NEO1: variants seen among roughly 807,000 people sequenced by gnomAD.
NEO1 encodes neogenin.
A neutral mutation model predicts 159.7 loss-of-function variants in NEO1; 63 were observed. The ratio of observed to expected loss-of-function variants is 0.39; its 90% CI spans 0.32 to 0.49. The LOEUF (loss-of-function observed/expected upper bound fraction) is 0.49, where lower values mean the gene tolerates loss of function less well. Among genes scored for constraint, NEO1 ranks in the 20% least tolerant of loss-of-function variants. The probability of loss-of-function intolerance (pLI) is 0.85; values close to 1 mark genes in which losing one functional copy is unlikely to be tolerated. For synonymous variants in NEO1, 633 were observed against 662.0 expected, an observed-to-expected ratio of 0.96 and a Z score of 0.67; for missense variants, 1,615 against 1,831.0, an observed-to-expected ratio of 0.88 and a Z score of 2.15.
intron 7 of NEO1, among the ~76,000 whole-genome samples, chr15:73,181,513 T>C (rs2035611012): frequency 6.6e-6 from 1 of 152,112 alleles, no homozygotes; most frequent in South Asian, 2.1e-4. Flanking sequence ...ACAGGAAGCA[T>C]GGTGCTGGCA....
chr15:73,214,127 T>C (rs908472435), intron 7 of NEO1, among the ~76,000 whole-genome samples: 1 of 152,140 alleles, frequency 6.6e-6, no homozygotes. Context: ...TTTCTTACTG[T>C]TTTGTTTAAA....
chr15:73,138,510 A>C (rs1017076462), intron 5 of NEO1, among the ~76,000 whole-genome samples: 14 of 152,222 alleles, frequency 9.2e-5, no homozygotes, highest in Admixed American at 2.6e-4. Flanking sequence ...TAATCCCAGC[A>C]CTTTGGGAGG....
intron 15 of NEO1, among the ~76,000 whole-genome samples, chr15:73,261,014 C>T (rs1320346757): frequency 2.0e-5 from 3 of 152,104 alleles, no homozygotes; most frequent in East Asian, 1.9e-4. Flanking sequence ...TTCCTCTACA[C>T]GTGTTAACAT....
intron 18 of NEO1, among the ~76,000 whole-genome samples, chr15:73,271,202 A>T (rs553690837): frequency 5.9e-4 from 90 of 152,378 alleles, no homozygotes; most frequent in Admixed American, 8.5e-4. Context: ...TTAGAAATAC[A>T]GTACATCAAA....
At chr15:73,187,539 G>A (rs1488619115) in intron 7 of NEO1, among the ~76,000 whole-genome samples, 7 of 152,136 alleles carry the variant, frequency 4.6e-5, no homozygotes, top group Admixed American at 4.6e-4. Context: ...TTTCTGTTAA[G>A]GGCCAAAGAA....
chr15:73,066,065 T>A (rs1017813511), intron 1 of NEO1, among the ~76,000 whole-genome samples: 8 of 149,480 alleles, frequency 5.4e-5, no homozygotes, highest in African/African-American at 1.7e-4. Context: ...GGAGTCTTGC[T>A]CTGTCACCCA....
At chr15:73,105,968 T>C (rs1227634771) in intron 1 of NEO1, among the ~76,000 whole-genome samples, 1 of 152,198 alleles carries the variant, frequency 6.6e-6, no homozygotes, top group Non-Finnish European at 1.5e-5. Context: ...GTGTGACTTC[T>C]TTTTTCCAGT....
rs1270804361 is a variant in NEO1, at chr15:73,052,608, G to A, written c.-68G>A. 2 of 1,030,202 alleles carry A rather than the reference G, an allele frequency of 1.9e-6. No homozygotes were observed. 63.8% of individuals were successfully genotyped at this position (1,030,202 alleles called of 1,614,324 possible). On this transcript the variant is annotated 5_prime_UTR_variant, in exon 1 of 29. Transcript: ENST00000261908. ...TGCAGCGAGGGACCGGCTGAGGCGC[G>A]CGGGAGGGAAGGAGGCAAGGGCTCC...
At chr15:73,066,918 G>T (rs1342363399) in intron 1 of NEO1, among the ~76,000 whole-genome samples, 2 of 152,144 alleles carry the variant, frequency 1.3e-5, no homozygotes, top group African/African-American at 4.8e-5. Flanking sequence ...TTGCATCTTG[G>T]TTCCTCAATT....
chr15:73,272,697 A>G lies in NEO1; in HGVS notation c.2965+135A>G, dbSNP rs546262839. 3.0e-4 allele frequency: 196 copies of G among 657,030 alleles called. 2 individuals carry two copies. The East Asian group carries it at 4.5e-3, about 15-fold the overall frequency. The allele number at this position is 657,030 out of a possible 1,614,324, so 40.7% of individuals were successfully genotyped here. On this transcript the variant is annotated intron_variant, in intron 19 of 28. Transcript: ENST00000261908. ...GTCATTTTATGGTAAGGTGTGAGTC[A>G]TGATGGTCCTTGAAATTGGGGTGAG...
rs535548444 is a variant in NEO1 at position 73,305,149 on chromosome 15, G to C, written c.*2453G>C. ...GTAAACTCTATGGCTTTTTAAAAAC[G>C]ATTTCATGTTTTTATTTAGTATTGG... On this transcript the variant is annotated 3_prime_UTR_variant, in exon 29 of 29. Coordinates refer to ENST00000261908, the MANE Select transcript of NEO1 (RefSeq NM_002499.4). 1.3e-5 allele frequency: 2 copies of C among 151,818 alleles called. No homozygotes were observed. Among genetic ancestry groups the C allele is most frequent in the Admixed American group, 1.3e-4 (2 of 15,264 alleles). The allele number at this position is 151,818 out of a possible 1,614,324, so 9.4% of individuals were successfully genotyped here.
chr15:73,067,214 C>CT (rs1366648762), intron 1 of NEO1, among the ~76,000 whole-genome samples: 1 of 152,092 alleles, frequency 6.6e-6, no homozygotes, highest in African/African-American at 2.4e-5. Context: ...ACACAGTATT[C>CT]TTTTAAGTTT....
intron 7 of NEO1, among the ~76,000 whole-genome samples, chr15:73,217,424 G>T (rs1391570149): frequency 6.7e-6 from 1 of 149,462 alleles, no homozygotes; most frequent in Admixed American, 6.7e-5. Context: ...CTCTTTTTTG[G>T]TTCCATATGA....
At chr15:73,296,039 C>T (rs910245108) in intron 26 of NEO1, among the ~76,000 whole-genome samples, 1 of 152,156 alleles carries the variant, frequency 6.6e-6, no homozygotes, top group African/African-American at 2.4e-5. Flanking sequence ...GCCTGGGGCC[C>T]CCGGAGTTGT....
chr15:73,163,104 C>T (rs2034308844), intron 5 of NEO1, among the ~76,000 whole-genome samples: 2 of 152,006 alleles, frequency 1.3e-5, no homozygotes, highest in Non-Finnish European at 2.9e-5. Context: ...TTGTTAGGTA[C>T]GTATCTATTT....
intron 11 of NEO1, among the ~76,000 whole-genome samples, chr15:73,250,280 A>T (rs978278611): frequency 2.1e-4 from 32 of 151,808 alleles, no homozygotes; most frequent in African/African-American, 7.3e-4. Context: ...ACCAGCATTT[A>T]AAAAAAATAT....
intron 7 of NEO1, among the ~76,000 whole-genome samples, chr15:73,195,220 ATC>A (rs1465987723): frequency 6.6e-6 from 1 of 152,240 alleles, no homozygotes; most frequent in Non-Finnish European, 1.5e-5. Flanking sequence ...TAAAGAAAGA[ATC>A]TATTATGCAG....
intron 7 of NEO1, among the ~76,000 whole-genome samples, chr15:73,195,474 T>C (rs1247044065): frequency 6.6e-6 from 1 of 152,180 alleles, no homozygotes; most frequent in South Asian, 2.1e-4. Context: ...AATTGATGCA[T>C]GCTTAAGAGA....
intron 1 of NEO1, among the ~76,000 whole-genome samples, chr15:73,077,798 G>T (rs1048981924): frequency 6.6e-6 from 1 of 152,130 alleles, no homozygotes; most frequent in Non-Finnish European, 1.5e-5. Flanking sequence ...CTGTAAAAGG[G>T]GTGCAGAGTG....
Sources: allele counts gnomAD v4.1 joint callset (sites outside exome capture counted in the v4.1 genomes callset), GRCh38; gene constraint gnomAD v4.1.1; transcripts MANE v1.5; gene names NCBI Gene and HGNC (gene_info 2026-07-23, HGNC 2026-07-21).